The following RUNX1 variants were observed in gnomAD, a reference collection of about 807,000 sequenced individuals.
RUNX1 encodes the protein RUNX family transcription factor 1.
RUNX1 carries 19 observed loss-of-function variants against 42.8 expected under a neutral mutation model. The ratio of observed to expected loss-of-function variants is 0.44; its 90% CI spans 0.31 to 0.65. The LOEUF is 0.65. Among genes scored for constraint, RUNX1 ranks in the 30% least tolerant of loss-of-function variants. The pLI, the probability that RUNX1 is intolerant of heterozygous loss-of-function variation, is 0.07. For synonymous variants in RUNX1, 271 were observed against 289.4 expected, an observed-to-expected ratio of 0.94 and a Z score of 0.64; for missense variants, 528 against 672.0, an observed-to-expected ratio of 0.79 and a Z score of 2.37.
At chr21:34,987,253 C>T (rs2058895203) in intron 2 of RUNX1, among the ~76,000 whole-genome samples, 1 of 152,214 alleles carries the variant, frequency 6.6e-6, no homozygotes, top group Non-Finnish European at 1.5e-5. Context: ...CTCGCTTCGT[C>T]CGCCTTGTGG....
intron 5 of RUNX1, among the ~76,000 whole-genome samples, chr21:34,869,230 A>G (rs2057704374): frequency 6.6e-6 from 1 of 152,146 alleles, no homozygotes; most frequent in Admixed American, 6.5e-5. Flanking sequence ...CATCATCAAG[A>G]GGGGCCCTAG....
At chr21:34,867,822 C>T (rs1044189866) in intron 5 of RUNX1, among the ~76,000 whole-genome samples, 7 of 152,186 alleles carry the variant, frequency 4.6e-5, no homozygotes, top group African/African-American at 1.7e-4. Context: ...GCCACACCTG[C>T]TGCCCTGTGC....
At chr21:35,022,729 T>A (rs2059207852) in intron 2 of RUNX1, among the ~76,000 whole-genome samples, 1 of 152,002 alleles carries the variant, frequency 6.6e-6, no homozygotes, top group Admixed American at 6.6e-5. Flanking sequence ...ATCCCATCTC[T>A]ACTAAAAGTA....
chr21:34,902,941 A>G (rs2058188913), intron 2 of RUNX1, among the ~76,000 whole-genome samples: 1 of 152,196 alleles, frequency 6.6e-6, no homozygotes, highest in Admixed American at 6.5e-5. Flanking sequence ...AGGAAGGAAA[A>G]AGAGGACCCA....
intron 2 of RUNX1, among the ~76,000 whole-genome samples, chr21:34,957,761 A>T (rs916973017): frequency 1.3e-5 from 2 of 152,326 alleles, no homozygotes; most frequent in African/African-American, 2.4e-5. Context: ...TGTGTTTATA[A>T]ACTGAAGTGT....
intron 6 of RUNX1, among the ~76,000 whole-genome samples, chr21:34,847,551 T>A (rs186015185): frequency 6.6e-6 from 1 of 152,290 alleles, no homozygotes; most frequent in East Asian, 1.9e-4. Flanking sequence ...AAAAGCACAT[T>A]GATATATATT....
At chr21:34,835,812 C>T (rs1396870481) in intron 6 of RUNX1, among the ~76,000 whole-genome samples, 2 of 152,192 alleles carry the variant, frequency 1.3e-5, no homozygotes, top group Non-Finnish European at 2.9e-5. Flanking sequence ...ATTTCACATG[C>T]CCTGACCCAA....
At chr21:34,966,564 A>G (rs994988052) in intron 2 of RUNX1, among the ~76,000 whole-genome samples, 3 of 152,160 alleles carry the variant, frequency 2.0e-5, no homozygotes, top group Admixed American at 6.5e-5. Flanking sequence ...ACTGCTTTCA[A>G]TGTACAACAC....
rs183129639 is a variant in RUNX1, at chr21:34,844,316, C to A, written c.614-9715G>T. ...CTTTGGAGTTCAGGCATCAGCAGGG[C>A]TAGTCCTGGGGTAGACAGGCAAGAC... On this transcript the variant is annotated intron_variant, in intron 6 of 8. Coordinates refer to ENST00000675419, the MANE Select transcript of RUNX1 (RefSeq NM_001754.5). 2.2e-4 allele frequency among the ~76,000 whole-genome samples: 33 copies of A among 152,294 alleles called. No homozygotes were observed. The East Asian group carries it at 6.2e-3, about 29-fold the overall frequency.
intron 3 of RUNX1, among the ~76,000 whole-genome samples, chr21:34,891,465 C>T (rs1188068242): frequency 1.3e-5 from 2 of 152,148 alleles, no homozygotes. Context: ...TGGAAAGAGG[C>T]AGGGGCTCCG....
chr21:34,918,991 G>C (rs2058333883), intron 2 of RUNX1, among the ~76,000 whole-genome samples: 1 of 152,174 alleles, frequency 6.6e-6, no homozygotes, highest in East Asian at 1.9e-4. Flanking sequence ...ATAATGTTTA[G>C]TATATGCCAG....
intron 2 of RUNX1, among the ~76,000 whole-genome samples, chr21:35,017,639 C>T (rs974731741): frequency 1.3e-5 from 2 of 152,106 alleles, no homozygotes; most frequent in African/African-American, 2.4e-5. Flanking sequence ...GAGCAGGGAA[C>T]GTGGGAACTC....
At chr21:35,045,278 T>TA (rs2059387857) in intron 2 of RUNX1, among the ~76,000 whole-genome samples, 1 of 152,112 alleles carries the variant, frequency 6.6e-6, no homozygotes, top group Non-Finnish European at 1.5e-5. Flanking sequence ...TACAGTCTGA[T>TA]TCTTTAACAT....
intron 3 of RUNX1, among the ~76,000 whole-genome samples, chr21:34,891,019 G>A (rs1197691848): frequency 2.0e-5 from 3 of 152,092 alleles, no homozygotes; most frequent in Admixed American, 2.0e-4. Flanking sequence ...TTGACTCCAG[G>A]GGAAATAGCA....
Position 34,921,635 on chromosome 21 carries a change from ATT to A in RUNX1, c.59-28674_59-28673del, listed in dbSNP as rs71196917. Among the ~76,000 whole-genome samples, 5 of 150,960 alleles carry A rather than the reference ATT, an allele frequency of 3.3e-5. No homozygotes were observed. In the East Asian group the frequency reaches 7.8e-4, roughly 24 times the overall value. ...TCTTATTCACTCTATTGACATAATC[ATT>A]TTTTTTTTCTTTTGAGACAGTGTCT... On this transcript the variant is annotated intron_variant, in intron 2 of 8. Transcript: ENST00000675419.
chr21:35,027,456 A>G (rs2059245746), intron 2 of RUNX1, among the ~76,000 whole-genome samples: 1 of 152,242 alleles, frequency 6.6e-6, no homozygotes, highest in African/African-American at 2.4e-5. Context: ...CGTCGTCGGG[A>G]CAGTCTGCTT....
intron 2 of RUNX1, among the ~76,000 whole-genome samples, chr21:34,930,672 A>G (rs929926938): frequency 6.6e-6 from 1 of 151,158 alleles, no homozygotes; most frequent in Non-Finnish European, 1.5e-5. Flanking sequence ...ATTGGAATGA[A>G]TACTGAATGG....
chr21:35,045,899 T>C (rs1439012104), intron 2 of RUNX1, among the ~76,000 whole-genome samples: 2 of 152,178 alleles, frequency 1.3e-5, no homozygotes, highest in Non-Finnish European at 2.9e-5. Flanking sequence ...CTGAGATTTT[T>C]ACCTGTGGTT....
intron 7 of RUNX1, chr21:34,833,278 G>A (rs1037370420): frequency 6.6e-6 from 1 of 152,084 alleles, no homozygotes; most frequent in African/African-American, 2.4e-5. Context: ...CTAATTTTTT[G>A]TATTTTTAGT....
Sources: allele counts gnomAD v4.1 joint callset (sites outside exome capture counted in the v4.1 genomes callset), GRCh38; gene constraint gnomAD v4.1.1; transcripts MANE v1.5; gene names NCBI Gene and HGNC (gene_info 2026-07-23, HGNC 2026-07-21).